The following THRB variants were observed in gnomAD, a reference collection of about 807,000 sequenced individuals.
THRB encodes thyroid hormone receptor beta, also known as nuclear receptor subfamily 1 group A member 2.
Under a neutral mutation model 47.8 loss-of-function variants are expected in THRB, and 12 were observed. The observed-to-expected ratio is 0.25, with a 90% CI of 0.16 to 0.41. The LOEUF is 0.41. Among genes scored for constraint, THRB ranks in the 10% least tolerant of loss-of-function variants. The pLI is 1.00. For synonymous variants in THRB, 218 were observed against 212.2 expected, an observed-to-expected ratio of 1.03 and a Z score of -0.24; for missense variants, 348 against 589.2, an observed-to-expected ratio of 0.59 and a Z score of 4.24.
intron 1 of THRB, among the ~76,000 whole-genome samples, chr3:24,414,584 C>T (rs964426931): frequency 3.3e-5 from 5 of 151,870 alleles, no homozygotes; most frequent in East Asian, 3.9e-4. Context: ...AAAATATTGC[C>T]GCTTCAGGAT....
chr3:24,208,058 A>G (rs1177876923), intron 4 of THRB, among the ~76,000 whole-genome samples: 1 of 150,504 alleles, frequency 6.6e-6, no homozygotes, highest in East Asian at 1.9e-4. Flanking sequence ...AATAACAGAC[A>G]AACAGAGAGC....
At position 24,444,925 on chromosome 3, in the gene THRB, TA is replaced by T. The variant is rs1404420701; in HGVS notation, c.-261+49726del. ...TGAAAATTAATTCCAATACTCACCT[TA>T]AAGAATGCTGAGACAATAACTGCTA... is the stretch of plus-strand genomic sequence containing the variant. On this transcript the variant is annotated intron_variant, in intron 1 of 10. Transcript: ENST00000646209. 2.6e-5 allele frequency among the ~76,000 whole-genome samples: 4 copies of T among 152,246 alleles called. No individual in the cohort carries two copies. In the East Asian group the frequency reaches 7.7e-4, roughly 29 times the overall value.
At chr3:24,182,385 C>T (rs2042021056) in intron 5 of THRB, among the ~76,000 whole-genome samples, 2 of 152,206 alleles carry the variant, frequency 1.3e-5, no homozygotes, top group South Asian at 4.2e-4. Context: ...TTTCCAACTT[C>T]AGTGCTAGGT....
chr3:24,251,441 A>T (rs1012872746), intron 3 of THRB, among the ~76,000 whole-genome samples: 1 of 152,126 alleles, frequency 6.6e-6, no homozygotes, highest in Non-Finnish European at 1.5e-5. Context: ...TAGATGAACT[A>T]GCAGTTAACC....
intron 1 of THRB, among the ~76,000 whole-genome samples, chr3:24,452,735 G>C (rs1560220696): frequency 6.6e-6 from 1 of 151,874 alleles, no homozygotes; most frequent in Non-Finnish European, 1.5e-5. Context: ...TAAATGGAGG[G>C]GTAAAGTTCA....
chr3:24,165,035 TGAGAATACGA>T, intron 5 of THRB: 2 of 743,514 alleles, frequency 2.7e-6, no homozygotes, highest in Admixed American at 3.6e-5. Flanking sequence ...ACCTTTTTTT[TGAGAATACGA>T]TGGCGACTGC....
chr3:24,157,824 C>T (rs142046978), intron 5 of THRB, among the ~76,000 whole-genome samples: 14 of 152,326 alleles, frequency 9.2e-5, no homozygotes, highest in African/African-American at 2.9e-4. Context: ...AGCCACAGTG[C>T]TCAGCCTATT....
chr3:24,436,672 G>A (rs151008250), intron 1 of THRB, among the ~76,000 whole-genome samples: 36 of 152,262 alleles, frequency 2.4e-4, no homozygotes, highest in African/African-American at 8.2e-4. Flanking sequence ...CATAGATTCT[G>A]AGGAATGCAT....
chr3:24,418,550 T>C (rs916643012), intron 1 of THRB, among the ~76,000 whole-genome samples: 2 of 151,932 alleles, frequency 1.3e-5, no homozygotes, highest in African/African-American at 4.8e-5. Flanking sequence ...TAATTTTTCT[T>C]ACCCAGTCTT....
At chr3:24,460,561 A>C (rs2073603522) in intron 1 of THRB, among the ~76,000 whole-genome samples, 1 of 152,204 alleles carries the variant, frequency 6.6e-6, no homozygotes, top group Admixed American at 6.5e-5. Context: ...ATTAAAGGGA[A>C]GAGAACATAA....
At chr3:24,313,547 T>C (rs2057903584) in intron 2 of THRB, among the ~76,000 whole-genome samples, 1 of 152,216 alleles carries the variant, frequency 6.6e-6, no homozygotes. Context: ...TTCTCTCTAC[T>C]TCTTAAAGAA....
chr3:24,203,883 C>T (rs1266188665), intron 4 of THRB, among the ~76,000 whole-genome samples: 1 of 152,234 alleles, frequency 6.6e-6, no homozygotes, highest in Non-Finnish European at 1.5e-5. Flanking sequence ...TTGGAGGGTC[C>T]CACGCCCACG....
intron 4 of THRB, among the ~76,000 whole-genome samples, chr3:24,211,197 CAAAA>C (rs370498415): frequency 3.0e-5 from 3 of 100,052 alleles, no homozygotes; most frequent in Admixed American, 1.1e-4. Flanking sequence ...GACTCCATCT[CAAAA>C]AAAAAAAAAA....
At chr3:24,394,249 A>C in intron 1 of THRB, among the ~76,000 whole-genome samples, 1 of 152,110 alleles carries the variant, frequency 6.6e-6, no homozygotes, top group South Asian at 2.1e-4. Flanking sequence ...AGTCTCTTAG[A>C]GTATATATTA....
rs960650621 is a variant in THRB at position 24,362,196 on chromosome 3, G to C, written c.-260-24825C>G. Reference sequence around the variant, plus strand: ...CCTTCAGTGGCTCCCATTTTACTGAGTGCCACAGGCGAAGTCCCTTTCACA... The same window carrying C: ...CCTTCAGTGGCTCCCATTTTACTGACTGCCACAGGCGAAGTCCCTTTCACA... On this transcript the variant is annotated intron_variant, in intron 1 of 10. Transcript: ENST00000646209. Among the ~76,000 whole-genome samples the C allele has an allele frequency of 4.9e-4, 75 of 151,886 alleles. 1 individual carries two copies. Among genetic ancestry groups the C allele is most frequent in the African/African-American group, 1.8e-3 (73 of 41,410 alleles).
chr3:24,317,524 C>T (rs2058202600), intron 2 of THRB, among the ~76,000 whole-genome samples: 1 of 152,112 alleles, frequency 6.6e-6, no homozygotes, highest in Non-Finnish European at 1.5e-5. Context: ...ACACCAAGAA[C>T]ATTACTCAAT....
intron 3 of THRB, among the ~76,000 whole-genome samples, chr3:24,262,645 C>A (rs527443919): frequency 6.6e-6 from 1 of 152,180 alleles, no homozygotes; most frequent in Non-Finnish European, 1.5e-5. Context: ...AGATCTTATA[C>A]CAACACCTTC....
At chr3:24,325,155 T>G (rs899586814) in intron 2 of THRB, among the ~76,000 whole-genome samples, 2 of 152,144 alleles carry the variant, frequency 1.3e-5, no homozygotes, top group Non-Finnish European at 2.9e-5. Flanking sequence ...CAGATGAAAT[T>G]ATTATTTATT....
At chr3:24,490,122 A>G (rs1436391183) in intron 1 of THRB, among the ~76,000 whole-genome samples, 2 of 152,202 alleles carry the variant, frequency 1.3e-5, no homozygotes, top group Non-Finnish European at 2.9e-5. Flanking sequence ...TTGTATTAAT[A>G]TGTTGTCTCA....
Sources: gnomAD v4.1 joint callset for allele counts (sites outside exome capture counted in the v4.1 genomes callset) on GRCh38, gnomAD v4.1.1 for gene constraint, MANE v1.5 for transcripts, NCBI Gene and HGNC (gene_info 2026-07-23, HGNC 2026-07-21) for gene names.